The following TRDN variants were observed in gnomAD, a reference collection of about 807,000 sequenced individuals.
The protein encoded by TRDN is triadin, also known as triadin in skeletal muscle.
TRDN carries 161 observed loss-of-function variants against 149.7 expected under a neutral mutation model. The ratio of observed to expected loss-of-function variants is 1.08; its 90% CI spans 0.95 to 1.23. The LOEUF (loss-of-function observed/expected upper bound fraction) is 1.23. Among genes scored for constraint, TRDN ranks in the 50% most tolerant of loss-of-function variants. TRDN has a pLI of 0.00. For missense variants in TRDN, 896 were observed against 823.5 expected (o/e 1.09, Z -1.08); for synonymous variants, 294 against 250.5 (o/e 1.17, Z -1.64).
rs973620639 is a variant in TRDN, at chr6:123,622,542, T to C, written c.22+14212A>G. ...ACCGCATATGTGAGTTATGAAACTT[T>C]CAGAGTCTGTATTTTACTAAAATGA... On this transcript the variant is annotated intron_variant, in intron 1 of 40. Coordinates refer to ENST00000334268, the MANE Select transcript of TRDN (RefSeq NM_006073.4). Among the ~76,000 whole-genome samples the C allele has an allele frequency of 7.9e-5, 12 of 152,252 alleles. No homozygotes were observed. In the East Asian group the frequency reaches 1.9e-3, roughly 25 times the overall value.
intron 24 of TRDN, among the ~76,000 whole-genome samples, chr6:123,282,103 A>G (rs1479829985): frequency 6.6e-6 from 1 of 152,004 alleles, no homozygotes; most frequent in Non-Finnish European, 1.5e-5. Context: ...ATATGAAGAC[A>G]CACAGAGAGA....
chr6:123,613,109 G>A (rs1333539524), intron 1 of TRDN, among the ~76,000 whole-genome samples: 1 of 152,112 alleles, frequency 6.6e-6, no homozygotes, highest in Non-Finnish European at 1.5e-5. Flanking sequence ...TACAAAGGAC[G>A]ACTGCATCAT....
At chr6:123,354,833 C>T (rs1379806379) in intron 20 of TRDN, among the ~76,000 whole-genome samples, 1 of 151,608 alleles carries the variant, frequency 6.6e-6, no homozygotes, top group Non-Finnish European at 1.5e-5. Flanking sequence ...TCTGGAAGCA[C>T]AAGAAATCTA....
chr6:123,397,865 G>A (rs1001705422), intron 12 of TRDN, among the ~76,000 whole-genome samples: 1 of 152,148 alleles, frequency 6.6e-6, no homozygotes. Flanking sequence ...CTACTTAAGA[G>A]CATGTTTGAG....
At chr6:123,395,653 T>C (rs1772694761) in intron 12 of TRDN, among the ~76,000 whole-genome samples, 1 of 152,160 alleles carries the variant, frequency 6.6e-6, no homozygotes, top group Admixed American at 6.5e-5. Context: ...AAATGCACAC[T>C]GATGCATTGA....
intron 24 of TRDN, among the ~76,000 whole-genome samples, chr6:123,290,991 T>C (rs1422173733): frequency 1.3e-5 from 2 of 152,086 alleles, no homozygotes; most frequent in East Asian, 3.9e-4. Flanking sequence ...ACTCTGTTTC[T>C]ATTAAAAATA....
chr6:123,435,080 A>C (rs1421892448), intron 12 of TRDN, among the ~76,000 whole-genome samples: 1 of 150,850 alleles, frequency 6.6e-6, no homozygotes, highest in Non-Finnish European at 1.5e-5. Flanking sequence ...TAAGGGAATA[A>C]AATAAAATAA....
At chr6:123,368,355 C>T (rs1353611209) in intron 19 of TRDN, among the ~76,000 whole-genome samples, 1 of 152,116 alleles carries the variant, frequency 6.6e-6, no homozygotes, top group Non-Finnish European at 1.5e-5. Flanking sequence ...TTTTTGCACA[C>T]AGTTATCATC....
At chr6:123,366,297 G>A in intron 19 of TRDN, 115 bp from the exon 20 acceptor site, 1 of 945,004 alleles carries the variant, frequency 1.1e-6, no homozygotes, top group Non-Finnish European at 1.5e-6. Context: ...TGAGAGCAAA[G>A]CAAGCTGTAG....
chr6:123,232,350 C>T (rs1003963336), intron 38 of TRDN, among the ~76,000 whole-genome samples: 17 of 152,000 alleles, frequency 1.1e-4, no homozygotes, highest in African/African-American at 1.7e-4. Flanking sequence ...CAATTTGGAA[C>T]GCTGTGTTGA....
Position 123,445,438 on chromosome 6 carries a change from A to C in TRDN, c.932-6435T>G, listed in dbSNP as rs1775259621. Among the ~76,000 whole-genome samples, 2 of 123,804 alleles carry C rather than the reference A, an allele frequency of 1.6e-5. 1 individual carries two copies. The highest frequency in any genetic ancestry group is 7.5e-5 in the African/African-American group (2 of 26,730). The allele number at this position is 123,804 out of a possible 152,430, so 81.2% of individuals were successfully genotyped here. On this transcript the variant is annotated intron_variant, in intron 10 of 40. Coordinates refer to ENST00000334268, the MANE Select transcript of TRDN (RefSeq NM_006073.4). ...GCACAGCAAAAGAAACTACCATCAG[A>C]GTGAACAGGCAACTACAAAATGGGA...
chr6:123,304,257 T>C (rs945027561), intron 24 of TRDN, among the ~76,000 whole-genome samples: 9 of 144,562 alleles, frequency 6.2e-5, no homozygotes, highest in East Asian at 2.0e-4. Flanking sequence ...ATTTTCTTTT[T>C]TTTTTTTTTT....
intron 38 of TRDN, among the ~76,000 whole-genome samples, chr6:123,247,914 G>C (rs746794347): frequency 6.6e-6 from 1 of 151,858 alleles, no homozygotes; most frequent in Non-Finnish European, 1.5e-5. Flanking sequence ...TAGACCAATG[G>C]GACAGAACAA....
At chr6:123,357,765 A>G (rs985875980) in intron 20 of TRDN, among the ~76,000 whole-genome samples, 1 of 152,158 alleles carries the variant, frequency 6.6e-6, no homozygotes, top group African/African-American at 2.4e-5. Flanking sequence ...TGAAGGGTAA[A>G]TGTCTCAGAA....
chr6:123,569,331 A>G (rs1295617168), intron 2 of TRDN, among the ~76,000 whole-genome samples: 3 of 152,150 alleles, frequency 2.0e-5, no homozygotes, highest in Non-Finnish European at 4.4e-5. Flanking sequence ...CCATTTAACC[A>G]GTCACTAAGA....
chr6:123,470,575 T>C (rs9482393), intron 9 of TRDN: 25,389 of 152,142 alleles, frequency 0.17, 2,293 homozygotes, highest in South Asian at 0.3. Context: ...AGAGACTATG[T>C]TAAACTGGAT....
intron 2 of TRDN, among the ~76,000 whole-genome samples, chr6:123,563,332 G>A (rs1487945018): frequency 6.6e-6 from 1 of 152,044 alleles, no homozygotes; most frequent in Non-Finnish European, 1.5e-5. Flanking sequence ...CAAATAACGG[G>A]CACTTTATAT....
At chr6:123,394,728 A>C (rs1772649619) in intron 12 of TRDN, among the ~76,000 whole-genome samples, 2 of 152,152 alleles carry the variant, frequency 1.3e-5, no homozygotes, top group Admixed American at 1.3e-4. Flanking sequence ...AAAAATGCTA[A>C]TTTTATTTGT....
intron 21 of TRDN, among the ~76,000 whole-genome samples, chr6:123,346,474 T>C (rs1780250207): frequency 6.6e-6 from 1 of 152,012 alleles, no homozygotes; most frequent in South Asian, 2.1e-4. Context: ...GTAATCTTTG[T>C]GATGGATATG....
Sources: allele counts gnomAD v4.1 joint callset (sites outside exome capture counted in the v4.1 genomes callset), GRCh38; gene constraint gnomAD v4.1.1; transcripts MANE v1.5; gene names NCBI Gene and HGNC (gene_info 2026-07-23, HGNC 2026-07-21).